LRP2: variants seen among roughly 807,000 people sequenced by gnomAD.
The protein encoded by LRP2 is low-density lipoprotein receptor-related protein 2.
Under a neutral mutation model 531.0 loss-of-function variants are expected in LRP2, and 172 were observed. The ratio of observed to expected loss-of-function variants is 0.32; its 90% confidence interval spans 0.29 to 0.37. The LOEUF (loss-of-function observed/expected upper bound fraction) is 0.37, where lower values mean the gene tolerates loss of function less well. LRP2 is among the 10% of genes least tolerant of loss of function. LRP2 has a pLI of 1.00. For synonymous variants in LRP2, 1,992 were observed against 2,027.6 expected (o/e 0.98, Z 0.47); for missense variants, 5,167 against 5,868.3 (o/e 0.88, Z 3.90).
chr2:169,268,556 A>T (rs1010021391), intron 16 of LRP2, among the ~76,000 whole-genome samples: 10 of 152,222 alleles, frequency 6.6e-5, no homozygotes, highest in African/African-American at 1.4e-4. Flanking sequence ...AAAATTCAAC[A>T]GCCCTTCATG....
chr2:169,220,662 C>T (rs903266487), intron 33 of LRP2, 99 bp from the exon 34 acceptor site: 15 of 696,874 alleles, frequency 2.2e-5, no homozygotes, highest in East Asian at 2.7e-5. Flanking sequence ...TTCCAAAGCA[C>T]GATTAGGGAT....
intron 1 of LRP2, among the ~76,000 whole-genome samples, chr2:169,325,830 C>G (rs1025872049): frequency 2.0e-5 from 3 of 151,854 alleles, no homozygotes; most frequent in African/African-American, 7.3e-5. Flanking sequence ...TTACAAACCA[C>G]TGAATAGACT....
chr2:169,174,567 TG>T (rs1687118885), intron 55 of LRP2, among the ~76,000 whole-genome samples: 1 of 152,344 alleles, frequency 6.6e-6, no homozygotes, highest in South Asian at 2.1e-4. Flanking sequence ...GTGAGTGCAG[TG>T]GCACGATCTC....
intron 63 of LRP2, 113 bp downstream of exon 63, chr2:169,162,358 GC>G: frequency 7.8e-7 from 1 of 1,281,290 alleles, no homozygotes; most frequent in Non-Finnish European, 1.1e-6. Context: ...TGGAATTCAA[GC>G]AAAAAGTACA....
At position 169,289,081 on chromosome 2, in the gene LRP2, C is replaced by T. The variant is rs141751667; in HGVS notation, c.987G>A (p.Ala329=). The change falls in exon 9 of 79, where the codon GCG becomes GCA. Residue 329 remains alanine, a synonymous_variant. Transcript: ENST00000649046. ...YQCHETPYGG[A]CFCPPGYIIN... ...TGATATAACCTGGGGGACAAAAACA[C>T]GCTCCTCCATACGGCGTCTCATGGC... is the stretch of plus-strand genomic sequence containing the variant. The T allele has an allele frequency of 1.5e-4, 241 of 1,614,056 alleles. 3 individuals carry two copies. In the African/African-American group the frequency reaches 2.3e-3, roughly 16 times the overall value.
At chr2:169,299,434 G>A (rs1422096466) in intron 4 of LRP2, among the ~76,000 whole-genome samples, 1 of 151,778 alleles carries the variant, frequency 6.6e-6, no homozygotes, top group Non-Finnish European at 1.5e-5. Flanking sequence ...TGCCTGAGAG[G>A]GTTGCTCCAA....
chr2:169,273,071 G>C lies in LRP2; in HGVS notation c.1976-4C>G, dbSNP rs748049143. On this transcript the variant is annotated splice_polypyrimidine_tract_variant and splice_region_variant and intron_variant, in intron 14 of 78. Coordinates refer to ENST00000649046, the MANE Select transcript of LRP2 (RefSeq NM_004525.3). ...TTATCTTTACACGGATTGGTAGCTG[G>C]AAGGAAAAATGCACAGGGTTAAATT... 2 of 1,613,374 alleles carry C rather than the reference G, an allele frequency of 1.2e-6. No individual in the cohort carries two copies. Among genetic ancestry groups the C allele is most frequent in the Admixed American group, 1.7e-5 (1 of 59,908 alleles).
chr2:169,233,296 G>T, intron 30 of LRP2, 115 bp downstream of exon 30: 2 of 1,199,636 alleles, frequency 1.7e-6, no homozygotes. Context: ...TTTGTAAAGA[G>T]AAAAGGAAAA....
rs142045675 is a variant in LRP2, at chr2:169,139,224, A to T, written c.13388+27T>A. ...CATATGAATTTCTTAGGCTTCAAACATCAACGTTCCCCATAATGAAACTGA... is the reference window on the plus strand; with the variant it reads ...CATATGAATTTCTTAGGCTTCAAACTTCAACGTTCCCCATAATGAAACTGA... On this transcript the variant is annotated intron_variant, in intron 74 of 78. Transcript: ENST00000649046. The T allele has an allele frequency of 3.6e-5, 58 of 1,614,118 alleles. 1 individual carries two copies. In the South Asian group the frequency reaches 5.7e-4, roughly 16 times the overall value.
chr2:169,184,900 A>G, intron 50 of LRP2, among the ~76,000 whole-genome samples: 1 of 152,068 alleles, frequency 6.6e-6, no homozygotes, highest in East Asian at 1.9e-4. Context: ...AGCTGGGACT[A>G]CAGACGAACA....
chr2:169,209,677 C>T, intron 37 of LRP2, 36 bp from the exon 38 acceptor site: 3 of 1,600,006 alleles, frequency 1.9e-6, no homozygotes, highest in Non-Finnish European at 2.6e-6. Context: ...AAAATGCTGT[C>T]ACTGAAATTA....
intron 1 of LRP2, among the ~76,000 whole-genome samples, chr2:169,335,082 G>T (rs760718106): frequency 2.0e-5 from 3 of 152,222 alleles, no homozygotes; most frequent in Middle Eastern, 3.2e-3. Context: ...AAGGGCAAGA[G>T]TGAAAATCAA....
At chr2:169,162,624 A>G (rs2105371138) in intron 62 of LRP2, 24 bp from the exon 63 acceptor site, 2 of 1,613,664 alleles carry the variant, frequency 1.2e-6, no homozygotes, top group Non-Finnish European at 1.7e-6. Flanking sequence ...ACAAGTTAAA[A>G]TCAAAACTTT....
chr2:169,159,008 T>C (rs999947156), intron 63 of LRP2, among the ~76,000 whole-genome samples: 4 of 152,192 alleles, frequency 2.6e-5, no homozygotes, highest in African/African-American at 9.6e-5. Context: ...TACCAATATC[T>C]ATCCAAGCCA....
Position 169,273,072 on chromosome 2 carries a change from A to T in LRP2, c.1976-5T>A, listed in dbSNP as rs373234680. 2.5e-4 allele frequency: 401 copies of T among 1,613,558 alleles called. 2 individuals are homozygous for T. In the African/African-American group the frequency reaches 5.0e-3, roughly 20 times the overall value. On this transcript the variant is annotated splice_polypyrimidine_tract_variant and splice_region_variant and intron_variant, in intron 14 of 78. Transcript: ENST00000649046. The stretch of plus-strand genomic sequence containing the variant: ...TATCTTTACACGGATTGGTAGCTGG[A>T]AGGAAAAATGCACAGGGTTAAATTG...
Position 169,216,328 on chromosome 2 carries a change from G to C in LRP2, c.5751C>G (p.Asn1917Lys). 1 of 1,613,688 alleles carries C rather than the reference G, an allele frequency of 6.2e-7. No homozygotes were observed. Among genetic ancestry groups the C allele is most frequent in the Non-Finnish European group, 8.5e-7 (1 of 1,179,726 alleles). ...GAGTGACACACTCCAGGTGTTCGAG[G>C]TTCCCAGTAAAGAGAGTTTTCACAG... The part of the protein sequence containing the change: ...GTSVKTLFTG[N>K]LEHLECVTLD... Residue 1917 changes from asparagine (N) to lysine (K), a missense_variant, in exon 35 of 79, where the codon AAC (asparagine) becomes AAG (lysine). Asn to Lys is a moderately conservative substitution (Grantham distance 94). Transcript: ENST00000649046.
rs540709835 is a variant in LRP2 at position 169,144,839 on chromosome 2, G to GT, written c.12988+907dup. On this transcript the variant is annotated intron_variant, in intron 70 of 78. Transcript: ENST00000649046. ...ACTCACATATGGGGACAGGAAGGGA[G>GT]TAACTTGTCAAAGGCCACATATCCA... 1.1e-3 allele frequency among the ~76,000 whole-genome samples: 168 copies of GT among 152,314 alleles called. 1 individual carries two copies. Among genetic ancestry groups the GT allele is most frequent in the African/African-American group, 3.8e-3 (160 of 41,568 alleles).
intron 11 of LRP2, among the ~76,000 whole-genome samples, 179 bp from the exon 12 acceptor site, chr2:169,279,774 G>A (rs1031899305): frequency 2.0e-5 from 3 of 152,054 alleles, no homozygotes; most frequent in African/African-American, 2.4e-5. Flanking sequence ...ATAATAAAAT[G>A]TAAGAAGAAA....
At chr2:169,288,172 A>T (rs1683907270) in intron 9 of LRP2, among the ~76,000 whole-genome samples, 1 of 152,166 alleles carries the variant, frequency 6.6e-6, no homozygotes. Context: ...TTGTTCATGT[A>T]TCAAAAATCA....
Sources: allele counts gnomAD v4.1 joint callset (sites outside exome capture counted in the v4.1 genomes callset), GRCh38; gene constraint gnomAD v4.1.1; transcripts MANE v1.5; gene names NCBI Gene and HGNC (gene_info 2026-07-23, HGNC 2026-07-21).